The following RSRC1 variants were observed in gnomAD, a reference collection of about 807,000 sequenced individuals.
RSRC1 encodes serine/Arginine-related protein 53.
RSRC1 carries 39 observed loss-of-function variants against 49.1 expected under a neutral mutation model. That is an observed-to-expected ratio of 0.79 (90% CI 0.61 to 1.04). RSRC1 has a LOEUF of 1.04. Ranked by LOEUF, RSRC1 falls within the 50% of genes least tolerant of loss-of-function variation. RSRC1 has a pLI of 0.00. For missense variants in RSRC1, 388 were observed against 402.4 expected, an observed-to-expected ratio of 0.96 and a Z score of 0.31; for synonymous variants, 143 against 130.8, an observed-to-expected ratio of 1.09 and a Z score of -0.63.
rs549094065 is a variant in RSRC1, at chr3:158,449,621, A to G, written c.584-11314A>G. Reference sequence around the variant, plus strand: ...TAATACTGGGCCAGAGGATCTTTATATATATATATTTTTATTATTATACTT... The same window carrying G: ...TAATACTGGGCCAGAGGATCTTTATGTATATATATTTTTATTATTATACTT... On this transcript the variant is annotated intron_variant, in intron 6 of 9. Transcript: ENST00000611884. Among the ~76,000 whole-genome samples the G allele has an allele frequency of 1.0e-4, 15 of 147,462 alleles. No homozygotes were observed. The South Asian group carries it at 3.3e-3, about 32-fold the overall frequency.
At chr3:158,447,184 G>A (rs1736768229) in intron 6 of RSRC1, among the ~76,000 whole-genome samples, 2 of 151,974 alleles carry the variant, frequency 1.3e-5, no homozygotes, top group Admixed American at 6.6e-5. Context: ...CATTTTATCA[G>A]AAGTGTTAGC....
intron 3 of RSRC1, among the ~76,000 whole-genome samples, chr3:158,198,146 G>A (rs852325): frequency 0.66 from 99,574 of 151,790 alleles, 32,921 homozygotes; most frequent in East Asian, 0.84. Context: ...GTAAGTCTCT[G>A]AGGACTTGCT....
In RSRC1 at chr3:158,210,978, A is replaced by C. The variant is rs140436706; in HGVS notation, c.494+7733A>C. On this transcript the variant is annotated intron_variant, in intron 4 of 9. Transcript: ENST00000611884. ...GTGATTGCTCGACTGTGAAAGCTTT[A>C]GAATGAGAGAAGGTACTTTAAATTT... 1.3e-3 allele frequency among the ~76,000 whole-genome samples: 198 copies of C among 152,192 alleles called. 1 individual carries two copies. Among genetic ancestry groups the C allele is most frequent in the African/African-American group, 4.6e-3 (190 of 41,544 alleles).
chr3:158,214,451 T>G (rs916974892), intron 4 of RSRC1, among the ~76,000 whole-genome samples: 2 of 151,768 alleles, frequency 1.3e-5, no homozygotes, highest in African/African-American at 2.4e-5. Flanking sequence ...TGTTCTTTAT[T>G]ATTTTTTTTC....
intron 4 of RSRC1, among the ~76,000 whole-genome samples, chr3:158,290,440 T>C (rs879491301): frequency 6.6e-6 from 1 of 151,908 alleles, no homozygotes; most frequent in Non-Finnish European, 1.5e-5. Flanking sequence ...GCCCAGCTAA[T>C]TTTTTGTATT....
Position 158,314,392 on chromosome 3 carries a change from C to T in RSRC1, c.531+16317C>T, listed in dbSNP as rs147390668. ...ACAGGTGTGAGTCACTGTGCCCAAC[C>T]GAAAAAAAATTCTTTTTTTTTTTTT... On this transcript the variant is annotated intron_variant, in intron 5 of 9. Coordinates refer to ENST00000611884, the MANE Select transcript of RSRC1 (RefSeq NM_001271838.2). 2.3e-5 allele frequency among the ~76,000 whole-genome samples: 3 copies of T among 128,636 alleles called. No individual in the cohort carries two copies. In the East Asian group the frequency reaches 7.5e-4, roughly 32 times the overall value. 84.4% of individuals were successfully genotyped at this position (128,636 alleles called of 152,430 possible).
At chr3:158,445,083 A>G (rs371728895) in intron 6 of RSRC1, among the ~76,000 whole-genome samples, 5 of 152,132 alleles carry the variant, frequency 3.3e-5, no homozygotes, top group African/African-American at 7.2e-5. Flanking sequence ...AACCATTGTG[A>G]AAGACAGTGT....
intron 5 of RSRC1, among the ~76,000 whole-genome samples, chr3:158,334,263 A>G (rs1366320436): frequency 6.6e-6 from 1 of 152,216 alleles, no homozygotes; most frequent in African/African-American, 2.4e-5. Context: ...TTTACCTTTT[A>G]AAGTATAAAC....
At chr3:158,269,263 T>C (rs563549751) in intron 4 of RSRC1, among the ~76,000 whole-genome samples, 5 of 152,340 alleles carry the variant, frequency 3.3e-5, no homozygotes, top group African/African-American at 1.2e-4. Context: ...AATATCCAAG[T>C]ATGTGCCTAA....
At chr3:158,476,530 C>T (rs1738375880) in intron 7 of RSRC1, among the ~76,000 whole-genome samples, 1 of 152,068 alleles carries the variant, frequency 6.6e-6, no homozygotes, top group Admixed American at 6.6e-5. Flanking sequence ...ATCCTAGGGT[C>T]CTTGTGAATT....
chr3:158,326,640 T>C (rs552625967), intron 5 of RSRC1, among the ~76,000 whole-genome samples: 1 of 152,330 alleles, frequency 6.6e-6, no homozygotes, highest in Admixed American at 6.5e-5. Context: ...GCCAGTATTT[T>C]ATTGAGGATT....
rs372247848 is a variant in RSRC1, at chr3:158,285,499, C to T, written c.495-12540C>T. ...TTTCCTTGGGCTATGGCCATTTTCA[C>T]GATATTGATTCTTCCTACCCATGAG... On this transcript the variant is annotated intron_variant, in intron 4 of 9. Transcript: ENST00000611884. 7.9e-5 allele frequency among the ~76,000 whole-genome samples: 12 copies of T among 152,122 alleles called. No individual in the cohort carries two copies. The South Asian group carries it at 8.3e-4, about 10-fold the overall frequency.
intron 7 of RSRC1, among the ~76,000 whole-genome samples, chr3:158,466,948 A>G (rs1402140168): frequency 6.6e-6 from 1 of 151,952 alleles, no homozygotes; most frequent in East Asian, 1.9e-4. Flanking sequence ...AATCCCACCT[A>G]CTCAGGAGGC....
At chr3:158,190,402 TTTC>T (rs1257760415) in intron 3 of RSRC1, among the ~76,000 whole-genome samples, 2 of 151,960 alleles carry the variant, frequency 1.3e-5, no homozygotes, top group African/African-American at 4.8e-5. Context: ...TTTCTGAAAT[TTTC>T]TACTACTTTT....
intron 6 of RSRC1, among the ~76,000 whole-genome samples, chr3:158,371,544 G>A (rs148311527): frequency 2.0e-5 from 3 of 151,902 alleles, no homozygotes; most frequent in East Asian, 3.9e-4. Context: ...ATTTATCCAC[G>A]TTGTTGCATG....
chr3:158,340,693 C>T (rs922575428), intron 5 of RSRC1, among the ~76,000 whole-genome samples: 16 of 152,102 alleles, frequency 1.1e-4, no homozygotes, highest in Non-Finnish European at 1.5e-4. Context: ...AGTTTGAAAA[C>T]GGACTAATAC....
In RSRC1 at chr3:158,126,874, TTTTTTGTTTTTGTTTTTGTTTTTG is replaced by T. The variant is rs139992270; in HGVS notation, c.320+2907_320+2930del. On this transcript the variant is annotated intron_variant, in intron 3 of 9. Coordinates refer to ENST00000611884, the MANE Select transcript of RSRC1 (RefSeq NM_001271838.2). ...TATAGTGTTCTTGATTGACAGGGTT[TTTTTTGTTTTTGTTTTTGTTTTTG>T]TTTTTGTTTTTGTTTTTGTTTTTTG... 1.5e-4 allele frequency among the ~76,000 whole-genome samples: 23 copies of T among 150,834 alleles called. 1 individual carries two copies. Among genetic ancestry groups the T allele is most frequent in the South Asian group, 1.0e-3 (5 of 4,770 alleles).
In RSRC1 at chr3:158,544,304, TC is replaced by T; in HGVS notation, c.*30del. The T allele has an allele frequency of 7.2e-7, 1 of 1,394,966 alleles. No homozygotes were observed. Among genetic ancestry groups the T allele is most frequent in the Non-Finnish European group, 9.9e-7 (1 of 1,007,508 alleles). The allele number at this position is 1,394,966 out of a possible 1,614,324, so 86.4% of individuals were successfully genotyped here. A position where few individuals can be genotyped will look rare whatever the true frequency, so the allele number is the denominator to read the frequency against. Reference sequence around the variant, plus strand: ...ATATACATATAGTTGGATTGGATTGTCAGCAGTAACATTGGAAATTTAGGTT... The same window carrying T: ...ATATACATATAGTTGGATTGGATTGTAGCAGTAACATTGGAAATTTAGGTT... On this transcript the variant is annotated 3_prime_UTR_variant, in exon 10 of 10. Coordinates refer to ENST00000611884, the MANE Select transcript of RSRC1 (RefSeq NM_001271838.2).
At chr3:158,273,343 A>T (rs922948760) in intron 4 of RSRC1, among the ~76,000 whole-genome samples, 2 of 152,102 alleles carry the variant, frequency 1.3e-5, no homozygotes, top group Non-Finnish European at 2.9e-5. Context: ...AGGTCTTTAC[A>T]CATACATATA....
Sources: gnomAD v4.1 joint callset for allele counts (sites outside exome capture counted in the v4.1 genomes callset) on GRCh38, gnomAD v4.1.1 for gene constraint, MANE v1.5 for transcripts, NCBI Gene and HGNC (gene_info 2026-07-23, HGNC 2026-07-21) for gene names.